The following OVGP1 variants were observed in gnomAD, a reference collection of about 807,000 sequenced individuals.
OVGP1 encodes the protein oviductal glycoprotein 1.
In OVGP1, 26 loss-of-function variants were observed where a neutral mutation model predicts 48.2. That is an observed-to-expected ratio of 0.54 (90% CI 0.40 to 0.75). OVGP1 has a LOEUF of 0.75. Ranked by LOEUF, OVGP1 falls within the 30% of genes least tolerant of loss-of-function variation. OVGP1 has a pLI of 0.00. For missense variants in OVGP1, 791 were observed against 820.6 expected, an observed-to-expected ratio of 0.96 and a Z score of 0.44; for synonymous variants, 294 against 305.7, an observed-to-expected ratio of 0.96 and a Z score of 0.40.
At chr1:111,420,954 T>C (rs1182462079) in intron 8 of OVGP1, among the ~76,000 whole-genome samples, 1 of 152,218 alleles carries the variant, frequency 6.6e-6, no homozygotes, top group African/African-American at 2.4e-5. Flanking sequence ...TGAAATTATA[T>C]ATATTGCAAA....
At chr1:111,419,858 A>T (rs768209395) in intron 8 of OVGP1, 132 bp from the exon 9 acceptor site, 73 of 640,640 alleles carry the variant, frequency 1.1e-4, no homozygotes, top group Non-Finnish European at 1.8e-4. Flanking sequence ...TAAACCAAAG[A>T]GAGAATGGAG....
chr1:111,421,429 C>G lies in OVGP1; in HGVS notation c.750G>C (p.Gly250=). The G allele has an allele frequency of 6.2e-7, 1 of 1,611,776 alleles. No homozygotes were observed. The highest frequency in any genetic ancestry group is 2.2e-5 in the East Asian group (1 of 44,878). Residue 250 remains glycine (G), a synonymous_variant, in exon 8 of 11, where the codon GGG becomes GGC. Coordinates refer to ENST00000369732, the MANE Select transcript of OVGP1 (RefSeq NM_002557.4). ...AYAMNYWRKL[G]APSEKLIMGI... ...CCATGATGAGCTTCTCTGAGGGTGC[C>G]CCAAGCTTTCTCCAATAATTCATAG...
At chr1:111,425,483 C>T (rs370651908) in intron 3 of OVGP1, 44 bp from the exon 4 acceptor site, 34 of 1,613,110 alleles carry the variant, frequency 2.1e-5, no homozygotes, top group East Asian at 8.9e-5. Flanking sequence ...TTCTTCACTC[C>T]GGTGGGCAGC....
At chr1:111,426,385 C>T (rs1206254652) in intron 3 of OVGP1, 52 bp downstream of exon 3, 3 of 1,611,908 alleles carry the variant, frequency 1.9e-6, no homozygotes, top group African/African-American at 1.3e-5. Flanking sequence ...AGACTGTTAT[C>T]TTATACCTGT....
At position 111,422,996 on chromosome 1, in the gene OVGP1, A is replaced by C; in HGVS notation, c.539T>G (p.Leu180Arg). 6.2e-7 allele frequency: 1 copy of C among 1,614,210 alleles called. No homozygotes were observed. The highest frequency in any genetic ancestry group is 1.7e-5 in the Admixed American group (1 of 60,026). The change falls in exon 6 of 11, where the codon CTG becomes CGG. Residue 180 changes from leucine (L) to arginine (R), a missense_variant. By Grantham distance (102) the Leu-to-Arg change is moderately radical (BLOSUM62 -2). Coordinates refer to ENST00000369732, the MANE Select transcript of OVGP1 (RefSeq NM_002557.4). ...GACCCCAGAAACAGCAGCAGACAGC[A>C]GCAGCCTCGGGCGCATGGTGAGCAG... ...EALLTMRPRL[L>R]LSAAVSGVPH... is the part of the protein sequence containing the mutation.
chr1:111,426,408 T>C (rs2101729703), intron 3 of OVGP1, 29 bp downstream of exon 3: 2 of 1,613,580 alleles, frequency 1.2e-6, no homozygotes, highest in Non-Finnish European at 1.7e-6. Flanking sequence ...AATCTGAAAA[T>C]ACAACCCCCA....
Position 111,414,640 on chromosome 1 carries a change from T to G in OVGP1, c.1861A>C (p.Met621Leu), listed in dbSNP as rs1652074687. 1.9e-6 allele frequency: 3 copies of G among 1,614,198 alleles called. No individual in the cohort carries two copies. The highest frequency in any genetic ancestry group is 4.5e-5 in the East Asian group (2 of 44,878). Residue 621 changes from methionine (M) to leucine (L), a missense_variant, in exon 11 of 11, where the codon ATG becomes CTG. Physicochemically the swap from Met to Leu is conservative, Grantham distance 15. Transcript: ENST00000369732. ...TGGATGACGGGGCTGGAGGACAGCA[T>G]CATCCTGTTTTCAGCTTCCATCTGA... is the stretch of plus-strand genomic sequence containing the variant. ...GLQMEAENRM[M>L]LSSSPVIQLP...
intron 4 of OVGP1, among the ~76,000 whole-genome samples, chr1:111,423,916 A>G (rs1652335899): frequency 6.6e-6 from 1 of 152,234 alleles, no homozygotes; most frequent in Non-Finnish European, 1.5e-5. Context: ...TCAGGCAGCT[A>G]AAAGAAGTTG....
At chr1:111,424,391 G>A (rs1301049833) in intron 4 of OVGP1, among the ~76,000 whole-genome samples, 2 of 152,164 alleles carry the variant, frequency 1.3e-5, no homozygotes, top group Admixed American at 6.5e-5. Flanking sequence ...GGGTAATCCT[G>A]AGATGAGCCA....
chr1:111,421,839 A>G (rs1652279556), intron 6 of OVGP1, among the ~76,000 whole-genome samples, 166 bp from the exon 7 acceptor site: 1 of 152,200 alleles, frequency 6.6e-6, no homozygotes, highest in South Asian at 2.1e-4. Flanking sequence ...TGCCACTGGA[A>G]CAAACAGCTG....
rs1437875953 is a variant in OVGP1 at position 111,422,918 on chromosome 1, T to C, written c.608+9A>G. ...AATGTCCTGCCCCACCAAAGCAATA[T>C]CCACTCACCTTCCTAGAAAGCGCAC... On this transcript the variant is annotated intron_variant, in intron 6 of 10. Coordinates refer to ENST00000369732, the MANE Select transcript of OVGP1 (RefSeq NM_002557.4). 4 of 1,613,748 alleles carry C rather than the reference T, an allele frequency of 2.5e-6. No homozygotes were observed. The highest frequency in any genetic ancestry group is 1.6e-4 in the Middle Eastern group (1 of 6,084).
At chr1:111,424,151 G>A (rs890612116) in intron 4 of OVGP1, among the ~76,000 whole-genome samples, 3 of 152,218 alleles carry the variant, frequency 2.0e-5, no homozygotes, top group Non-Finnish European at 4.4e-5. Context: ...TGGATTAGGG[G>A]AGAGAACATG....
chr1:111,421,211 G>A, intron 8 of OVGP1, 65 bp downstream of exon 8: 2 of 1,477,218 alleles, frequency 1.4e-6, no homozygotes, highest in Non-Finnish European at 1.8e-6. Flanking sequence ...CCCTTGTCCT[G>A]GCCTTTGCTC....
intron 3 of OVGP1, among the ~76,000 whole-genome samples, chr1:111,425,795 T>C (rs562979588): frequency 9.2e-5 from 14 of 152,274 alleles, no homozygotes; most frequent in Non-Finnish European, 2.1e-4. Context: ...TGCCATTTAC[T>C]GCTTTAGGCA....
At chr1:111,427,231 A>G in intron 1 of OVGP1, 140 bp from the exon 2 acceptor site, 4 of 1,510,712 alleles carry the variant, frequency 2.6e-6, no homozygotes, top group Non-Finnish European at 3.5e-6. Flanking sequence ...GGGGACACAC[A>G]CACCATTTAC....
At chr1:111,426,715 T>TA in intron 2 of OVGP1, 74 bp from the exon 3 acceptor site, 5 of 1,563,698 alleles carry the variant, frequency 3.2e-6, no homozygotes, top group Non-Finnish European at 4.3e-6. Context: ...GAAAGCAATG[T>TA]GAACGCAGCC....
At position 111,415,053 on chromosome 1, in the gene OVGP1, C is replaced by G; in HGVS notation, c.1448G>C (p.Gly483Ala). The G allele has an allele frequency of 6.2e-7, 1 of 1,614,120 alleles. No individual in the cohort carries two copies. The highest frequency in any genetic ancestry group is 8.5e-7 in the Non-Finnish European group (1 of 1,179,962). The change falls in exon 11 of 11, where the codon GGT becomes GCT. Residue 483 changes from glycine (G) to alanine (A), a missense_variant. Coordinates refer to ENST00000369732, the MANE Select transcript of OVGP1 (RefSeq NM_002557.4). ...ITGAMTMTSVGHQSMTPGEKA... is the reference protein window; with the variant it reads ...ITGAMTMTSVAHQSMTPGEKA... ...CTCTCCAGGGGTCATGGACTGATGA[C>G]CCACAGAAGTCATGGTCATTGCCCC...
At chr1:111,426,958 T>C in intron 2 of OVGP1, 104 bp downstream of exon 2, 1 of 1,596,000 alleles carries the variant, frequency 6.3e-7, no homozygotes, top group Non-Finnish European at 8.5e-7. Flanking sequence ...ATAATCCCTG[T>C]CAGAGAAGCC....
chr1:111,421,207 T>C, intron 8 of OVGP1, 69 bp downstream of exon 8: 1 of 1,463,630 alleles, frequency 6.8e-7, no homozygotes, highest in Non-Finnish European at 9.3e-7. Context: ...TTGCCCCTTG[T>C]CCTGGCCTTT....
Sources: gnomAD v4.1 joint callset for allele counts (sites outside exome capture counted in the v4.1 genomes callset) on GRCh38, gnomAD v4.1.1 for gene constraint, MANE v1.5 for transcripts, NCBI Gene and HGNC (gene_info 2026-07-23, HGNC 2026-07-21) for gene names.